The following RTP2 variants were observed in gnomAD, a reference collection of about 807,000 sequenced individuals.
The protein encoded by RTP2 is receptor-transporting protein 2.
A neutral mutation model predicts 17.9 loss-of-function variants in RTP2; 12 were observed. The observed-to-expected ratio is 0.67, with a 90% confidence interval of 0.43 to 1.09. The LOEUF (loss-of-function observed/expected upper bound fraction) is 1.09. Ranked by LOEUF, RTP2 falls within the 50% of genes least tolerant of loss-of-function variation. RTP2 has a pLI of 0.00. For missense variants in RTP2, 327 were observed against 295.7 expected (o/e 1.11, Z -0.78); for synonymous variants, 126 against 117.7 (o/e 1.07, Z -0.46).
upstream of RTP2, among the ~76,000 whole-genome samples, chr3:187,707,070 G>A (rs527649584): frequency 1.3e-5 from 2 of 152,332 alleles, no homozygotes; most frequent in South Asian, 4.1e-4. Flanking sequence ...GGTTGATGCT[G>A]CCTGTGAGAT....
At chr3:187,702,945 T>C (rs1717891602), upstream of RTP2, among the ~76,000 whole-genome samples, 1 of 152,106 alleles carries the variant, frequency 6.6e-6, no homozygotes, top group Non-Finnish European at 1.5e-5. Flanking sequence ...AGAGCCCATA[T>C]TCAGTTCCTG....
chr3:187,715,096 C>T, the RTP2 span, among the ~76,000 whole-genome samples: 1 of 152,282 alleles, frequency 6.6e-6, no homozygotes, highest in East Asian at 1.9e-4. Context: ...ACTTCCATGG[C>T]CCTGCTGTCC....
chr3:187,715,230 C>T, the RTP2 span, among the ~76,000 whole-genome samples: 85 of 152,184 alleles, frequency 5.6e-4, 1 homozygote, highest in South Asian at 0.012. Context: ...TTAATCCAAC[C>T]CTCCCTGCAA....
At chr3:187,706,786 A>G (rs1301637786), upstream of RTP2, among the ~76,000 whole-genome samples, 1 of 152,122 alleles carries the variant, frequency 6.6e-6, no homozygotes, top group African/African-American at 2.4e-5. Context: ...TATTTTTAGT[A>G]GAGATGGGGT....
At chr3:187,706,589 C>T (rs571653579), upstream of RTP2, among the ~76,000 whole-genome samples, 24 of 152,272 alleles carry the variant, frequency 1.6e-4, no homozygotes, top group East Asian at 3.9e-4. Flanking sequence ...CTTCATCTCA[C>T]GCAGAGTGAA....
At chr3:187,715,404 T>TC in the RTP2 span, among the ~76,000 whole-genome samples, 3 of 151,866 alleles carry the variant, frequency 2.0e-5, no homozygotes, top group Non-Finnish European at 4.4e-5. Flanking sequence ...GATATAAGGT[T>TC]CCCCCCGCCA....
chr3:187,714,619 G>C, the RTP2 span, among the ~76,000 whole-genome samples: 3 of 152,190 alleles, frequency 2.0e-5, no homozygotes, highest in African/African-American at 7.2e-5. Context: ...TGCACCAGTA[G>C]AACAGCCTCA....
At chr3:187,710,857 AT>A in the RTP2 span, among the ~76,000 whole-genome samples, 1 of 152,176 alleles carries the variant, frequency 6.6e-6, no homozygotes, top group African/African-American at 2.4e-5. Context: ...AAAGCTCTTT[AT>A]GGGGAGTCAG....
At chr3:187,710,182 T>C in the RTP2 span, among the ~76,000 whole-genome samples, 102 of 152,180 alleles carry the variant, frequency 6.7e-4, 1 homozygote, top group African/African-American at 2.4e-3. Context: ...GATCTCCTCC[T>C]GCCCTCAACT....
chr3:187,699,132 T>G, intron 1 of RTP2, 121 bp from the exon 2 acceptor site: 2 of 1,213,442 alleles, frequency 1.6e-6, no homozygotes, highest in Non-Finnish European at 1.1e-6. Context: ...CAGTGTTTAC[T>G]GCCCTGTGGA....
chr3:187,702,587 AG>A, upstream of RTP2: 1 of 456,934 alleles, frequency 2.2e-6, no homozygotes, highest in South Asian at 1.5e-5. Context: ...GGACAGGGAA[AG>A]GCAGAGCCTG....
upstream of RTP2, among the ~76,000 whole-genome samples, chr3:187,705,639 T>C (rs889608822): frequency 3.3e-5 from 5 of 152,146 alleles, no homozygotes; most frequent in African/African-American, 1.2e-4. Flanking sequence ...ATAGAACGAA[T>C]TTTACCTTGA....
At chr3:187,702,265 C>T (rs1717872491) in exon 1 of RTP2, 4 of 822,708 alleles carry the variant, frequency 4.9e-6, no homozygotes, top group Non-Finnish European at 7.8e-6. Flanking sequence ...GACCCAGCTC[C>T]CTCCTCTGTT....
In RTP2 at chr3:187,699,729, C is replaced by CCACA. The variant is rs1328615413; in HGVS notation, c.165-722_165-719dup. Among the ~76,000 whole-genome samples, 648 of 116,392 alleles carry CCACA rather than the reference C, an allele frequency of 5.6e-3. 2 individuals carry two copies. Among genetic ancestry groups the CCACA allele is most frequent in the African/African-American group, 0.012 (348 of 29,630 alleles). The allele number at this position is 116,392 out of a possible 152,430, so 76.4% of individuals were successfully genotyped here. A position where few individuals can be genotyped will look rare whatever the true frequency, so the allele number is the denominator to read the frequency against. Reference sequence around the variant, plus strand: ...GAGGGTATTCATTCCCATTGCCACTCCACACACACACACACACACACACAC... The same window carrying CCACA: ...GAGGGTATTCATTCCCATTGCCACTCCACACACACACACACACACACACACACAC... On this transcript the variant is annotated intron_variant, in intron 1 of 1. Coordinates refer to ENST00000358241, the Ensembl canonical transcript of RTP2.
chr3:187,703,669 G>A (rs1205601936), upstream of RTP2, among the ~76,000 whole-genome samples: 1 of 152,192 alleles, frequency 6.6e-6, no homozygotes, highest in African/African-American at 2.4e-5. Flanking sequence ...TACCAGACCA[G>A]GTGAGACAGA....
the RTP2 span, among the ~76,000 whole-genome samples, chr3:187,714,277 A>T: frequency 2.6e-5 from 4 of 152,192 alleles, no homozygotes; most frequent in African/African-American, 9.6e-5. Context: ...TCTTTTGCCC[A>T]AGAATTGAGA....
At chr3:187,701,877 G>GC in intron 1 of RTP2, 88 bp downstream of exon 1, 1 of 1,320,214 alleles carries the variant, frequency 7.6e-7, no homozygotes, top group Middle Eastern at 2.0e-4. Context: ...GAATAAGCCC[G>GC]CGACTGGGCT....
At chr3:187,708,690 G>T in the RTP2 span, among the ~76,000 whole-genome samples, 1 of 152,104 alleles carries the variant, frequency 6.6e-6, no homozygotes, top group African/African-American at 2.4e-5. Context: ...TATAATAAAA[G>T]GTAATAGTGA....
the RTP2 span, among the ~76,000 whole-genome samples, chr3:187,710,183 G>A: frequency 1.3e-5 from 2 of 151,908 alleles, no homozygotes; most frequent in Non-Finnish European, 2.9e-5. Flanking sequence ...ATCTCCTCCT[G>A]CCCTCAACTC....
Sources: allele counts gnomAD v4.1 joint callset (sites outside exome capture counted in the v4.1 genomes callset), GRCh38; gene constraint gnomAD v4.1.1; transcripts MANE v1.5; gene names NCBI Gene and HGNC (gene_info 2026-07-23, HGNC 2026-07-21).